RFX3: variants seen among roughly 807,000 people sequenced by gnomAD.
The protein encoded by RFX3 is regulatory factor X3.
A neutral mutation model predicts 98.6 loss-of-function variants in RFX3; 14 were observed. The observed-to-expected ratio is 0.14, with a 90% CI of 0.09 to 0.22. The LOEUF is 0.22. RFX3 is among the 10% of genes least tolerant of loss of function. RFX3 has a pLI of 1.00. For synonymous variants in RFX3, 383 were observed against 328.4 expected (o/e 1.17, Z -1.80); for missense variants, 639 against 926.9 (o/e 0.69, Z 4.03).
At chr9:3,339,983 C>T (rs907817038) in intron 3 of RFX3, among the ~76,000 whole-genome samples, 5 of 152,098 alleles carry the variant, frequency 3.3e-5, no homozygotes, top group African/African-American at 7.2e-5. Context: ...GGAGGCATCA[C>T]ACTACCTGAC....
At chr9:3,251,951 C>T (rs1217385380) in intron 14 of RFX3, among the ~76,000 whole-genome samples, 3 of 151,776 alleles carry the variant, frequency 2.0e-5, no homozygotes, top group East Asian at 2.0e-4. Context: ...CGGGTTCAAG[C>T]GATTCTCCTG....
At chr9:3,405,391 T>C (rs1222701156) in intron 1 of RFX3, among the ~76,000 whole-genome samples, 1 of 152,166 alleles carries the variant, frequency 6.6e-6, no homozygotes, top group African/African-American at 2.4e-5. Flanking sequence ...TGAGCTACAG[T>C]TCTAGATTTT....
At position 3,223,862 on chromosome 9, in the gene RFX3, A is replaced by G. The variant is rs1817501958; in HGVS notation, c.*1180T>C. The G allele has an allele frequency of 6.6e-6, 1 of 152,230 alleles. No homozygotes were observed. Among genetic ancestry groups the G allele is most frequent in the Non-Finnish European group, 1.5e-5 (1 of 68,046 alleles). The allele number at this position is 152,230 out of a possible 1,614,324, so 9.4% of individuals were successfully genotyped here. A position where few individuals can be genotyped will look rare whatever the true frequency, so the allele number is the denominator to read the frequency against. ...CGATGATCCCTGATGTACATTCTTC[A>G]ATGGCAATGGTCCATCCAGCCACCT... On this transcript the variant is annotated 3_prime_UTR_variant, in exon 17 of 17. Transcript: ENST00000617270.
At chr9:3,317,952 A>G (rs975629362) in intron 4 of RFX3, among the ~76,000 whole-genome samples, 1 of 152,228 alleles carries the variant, frequency 6.6e-6, no homozygotes, top group African/African-American at 2.4e-5. Flanking sequence ...ACCATTGTGA[A>G]AGACAGTGTG....
At chr9:3,448,045 A>G (rs1407907935) in intron 1 of RFX3, among the ~76,000 whole-genome samples, 4 of 152,186 alleles carry the variant, frequency 2.6e-5, no homozygotes, top group Non-Finnish European at 4.4e-5. Context: ...AGATTTGGCC[A>G]GCAATAAAGC....
chr9:3,261,863 C>T (rs575874012), intron 13 of RFX3, among the ~76,000 whole-genome samples: 2 of 152,012 alleles, frequency 1.3e-5, no homozygotes, highest in Non-Finnish European at 2.9e-5. Flanking sequence ...GAAATGGTAC[C>T]TCGCTGTGGT....
chr9:3,258,589 T>C (rs1822439980), intron 13 of RFX3, among the ~76,000 whole-genome samples: 1 of 152,066 alleles, frequency 6.6e-6, no homozygotes, highest in Admixed American at 6.6e-5. Flanking sequence ...TAATTAATCA[T>C]AAATCCATTC....
intron 5 of RFX3, 108 bp downstream of exon 5, chr9:3,301,438 G>C: frequency 1.4e-6 from 1 of 723,736 alleles, no homozygotes. Flanking sequence ...GAGAAGGGAA[G>C]GTTAAGAAGC....
chr9:3,481,883 G>C (rs530436068), intron 1 of RFX3, among the ~76,000 whole-genome samples: 11 of 151,948 alleles, frequency 7.2e-5, no homozygotes, highest in African/African-American at 2.7e-4. Context: ...TAAATAAAAA[G>C]ACTGATTATA....
At chr9:3,422,797 G>C (rs989494511) in intron 1 of RFX3, among the ~76,000 whole-genome samples, 9 of 152,232 alleles carry the variant, frequency 5.9e-5, no homozygotes, top group African/African-American at 1.9e-4. Flanking sequence ...CTGGGGTTCA[G>C]GAGGTTTTAT....
chr9:3,463,873 T>G (rs1323449218), intron 1 of RFX3, among the ~76,000 whole-genome samples: 1 of 151,570 alleles, frequency 6.6e-6, no homozygotes, highest in African/African-American at 2.4e-5. Flanking sequence ...CCTCAGAGGG[T>G]GAGGTGGGAG....
intron 1 of RFX3, among the ~76,000 whole-genome samples, chr9:3,512,900 A>G (rs1817782748): frequency 6.6e-6 from 1 of 152,094 alleles, no homozygotes; most frequent in African/African-American, 2.4e-5. Flanking sequence ...TATCTCTTCC[A>G]ACACTTTTTT....
At chr9:3,423,503 T>C (rs1843635101) in intron 1 of RFX3, among the ~76,000 whole-genome samples, 1 of 152,012 alleles carries the variant, frequency 6.6e-6, no homozygotes, top group Admixed American at 6.6e-5. Context: ...GTCTCAACAT[T>C]GGGCTGAGCA....
intron 2 of RFX3, among the ~76,000 whole-genome samples, chr9:3,375,093 A>AT (rs1838310223): frequency 6.6e-6 from 1 of 152,224 alleles, no homozygotes; most frequent in African/African-American, 2.4e-5. Context: ...TCAGTGACTA[A>AT]TATTTACTCA....
intron 4 of RFX3, among the ~76,000 whole-genome samples, chr9:3,304,614 T>G (rs551820015): frequency 6.6e-6 from 1 of 151,930 alleles, no homozygotes; most frequent in African/African-American, 2.4e-5. Context: ...ACTGTTCTTG[T>G]GGTAGTGAGT....
At chr9:3,329,588 C>G (rs1006960247) in intron 4 of RFX3, among the ~76,000 whole-genome samples, 9 of 152,112 alleles carry the variant, frequency 5.9e-5, no homozygotes, top group African/African-American at 2.2e-4. Flanking sequence ...TAAAGTATCT[C>G]TCTGGTGGAA....
intron 1 of RFX3, among the ~76,000 whole-genome samples, chr9:3,412,570 T>C (rs1842550411): frequency 6.6e-6 from 1 of 152,212 alleles, no homozygotes; most frequent in Admixed American, 6.5e-5. Flanking sequence ...AATATGTTAG[T>C]AAAAGTTTAT....
intron 1 of RFX3, among the ~76,000 whole-genome samples, chr9:3,520,128 G>C (rs145400092): frequency 0.011 from 1,723 of 152,102 alleles, 25 homozygotes; most frequent in South Asian, 0.031. Context: ...AAAAATCTTA[G>C]TGGCAAAAAC....
intron 13 of RFX3, 26 bp from the exon 14 acceptor site, chr9:3,257,225 G>C: frequency 1.2e-6 from 2 of 1,607,424 alleles, no homozygotes; most frequent in Non-Finnish European, 8.5e-7. Flanking sequence ...AGAAAGAAAA[G>C]GAAAAGTTCA....
Sources: gnomAD v4.1 joint callset for allele counts (sites outside exome capture counted in the v4.1 genomes callset) on GRCh38, gnomAD v4.1.1 for gene constraint, MANE v1.5 for transcripts, NCBI Gene and HGNC (gene_info 2026-07-23, HGNC 2026-07-21) for gene names.